TRIO: variants seen among roughly 807,000 people sequenced by gnomAD.
TRIO encodes the protein trio Rho guanine nucleotide exchange factor, also known as triple functional domain protein.
TRIO carries 58 observed loss-of-function variants against 351.9 expected under a neutral mutation model. The ratio of observed to expected loss-of-function variants is 0.16; its 90% CI spans 0.13 to 0.21. TRIO has a LOEUF of 0.21. Ranked by LOEUF, TRIO falls within the 10% of genes least tolerant of loss-of-function variation. TRIO has a pLI of 1.00. For synonymous variants in TRIO, 1,758 were observed against 1,595.7 expected, an observed-to-expected ratio of 1.10 and a Z score of -2.42; for missense variants, 3,201 against 4,027.8, an observed-to-expected ratio of 0.79 and a Z score of 5.56.
At chr5:14,391,238 T>A (rs547179283) in intron 27 of TRIO, among the ~76,000 whole-genome samples, 1 of 152,138 alleles carries the variant, frequency 6.6e-6, no homozygotes, top group Non-Finnish European at 1.5e-5. Flanking sequence ...AGATGTATGT[T>A]TGTGTGTGTG....
At chr5:14,152,661 C>T (rs1318771497) in intron 1 of TRIO, among the ~76,000 whole-genome samples, 2 of 152,190 alleles carry the variant, frequency 1.3e-5, no homozygotes, top group Non-Finnish European at 2.9e-5. Context: ...TGAGCCACTG[C>T]GTCCGTATTT....
intron 1 of TRIO, among the ~76,000 whole-genome samples, chr5:14,192,566 T>G (rs1790522954): frequency 6.6e-6 from 1 of 152,206 alleles, no homozygotes; most frequent in Non-Finnish European, 1.5e-5. Flanking sequence ...GGAATGCTAT[T>G]AATAATATCA....
intron 34 of TRIO, among the ~76,000 whole-genome samples, chr5:14,435,349 G>C (rs116808082): frequency 0.012 from 1,834 of 152,270 alleles, 21 homozygotes; most frequent in African/African-American, 0.041. Context: ...ACTTCCCGAG[G>C]CTCCACCACA....
intron 33 of TRIO, among the ~76,000 whole-genome samples, chr5:14,410,234 C>T (rs1749082190): frequency 6.6e-6 from 1 of 152,162 alleles, no homozygotes; most frequent in Non-Finnish European, 1.5e-5. Context: ...CCCATGCGGC[C>T]TTACAAACAA....
intron 33 of TRIO, among the ~76,000 whole-genome samples, chr5:14,412,865 C>G (rs1749318122): frequency 6.6e-6 from 1 of 152,326 alleles, no homozygotes; most frequent in South Asian, 2.1e-4. Context: ...AGGATGTACC[C>G]ACCAGCAAAC....
At chr5:14,334,591 C>T (rs192419339) in intron 10 of TRIO, among the ~76,000 whole-genome samples, 35 of 152,316 alleles carry the variant, frequency 2.3e-4, no homozygotes, top group African/African-American at 8.2e-4. Flanking sequence ...TAGTGGTGAT[C>T]ATAGGAAAAC....
At chr5:14,378,235 A>G in intron 20 of TRIO, 108 bp downstream of exon 20, 1 of 786,618 alleles carries the variant, frequency 1.3e-6, no homozygotes, top group Non-Finnish European at 2.1e-6. Context: ...CCACTTTCTA[A>G]TGACAAACAG....
chr5:14,171,004 T>G (rs2152125610), intron 1 of TRIO, among the ~76,000 whole-genome samples: 1 of 152,326 alleles, frequency 6.6e-6, no homozygotes, highest in East Asian at 1.9e-4. Flanking sequence ...TACTGAAACT[T>G]GACTCTGTTT....
At chr5:14,264,559 A>ATT (rs966918925) in intron 1 of TRIO, among the ~76,000 whole-genome samples, 4 of 147,080 alleles carry the variant, frequency 2.7e-5, no homozygotes, top group African/African-American at 9.9e-5. Context: ...TTATGTTTTG[A>ATT]TTTTTTTTTT....
chr5:14,362,553 G>T (rs1236702384), intron 13 of TRIO, among the ~76,000 whole-genome samples: 1 of 152,188 alleles, frequency 6.6e-6, no homozygotes, highest in Non-Finnish European at 1.5e-5. Context: ...AAAGGAACCA[G>T]ATCCCACATT....
intron 11 of TRIO, among the ~76,000 whole-genome samples, chr5:14,352,435 T>C (rs1483263224): frequency 1.3e-5 from 2 of 152,246 alleles, no homozygotes; most frequent in Non-Finnish European, 2.9e-5. Context: ...CAATTTTTCC[T>C]CTTAGGAGTT....
intron 23 of TRIO, among the ~76,000 whole-genome samples, chr5:14,388,128 GT>G (rs1214143234): frequency 6.6e-6 from 1 of 152,216 alleles, no homozygotes; most frequent in East Asian, 1.9e-4. Context: ...GAAATTAATA[GT>G]TTTTATCACG....
intron 34 of TRIO, among the ~76,000 whole-genome samples, chr5:14,456,171 C>T (rs1348053920): frequency 6.6e-6 from 1 of 152,246 alleles, no homozygotes; most frequent in East Asian, 1.9e-4. Context: ...GAGTGCAGGG[C>T]CCGCTGAGCA....
intron 8 of TRIO, among the ~76,000 whole-genome samples, chr5:14,316,183 T>C (rs1739365944): frequency 6.6e-6 from 1 of 152,244 alleles, no homozygotes; most frequent in Non-Finnish European, 1.5e-5. Context: ...ATTTATGGCA[T>C]TTAAGGCAAA....
At chr5:14,329,898 T>C (rs540889515) in intron 9 of TRIO, among the ~76,000 whole-genome samples, 1 of 152,310 alleles carries the variant, frequency 6.6e-6, no homozygotes, top group African/African-American at 2.4e-5. Context: ...TCTGTATATG[T>C]GGGCTTCACG....
At position 14,405,928 on chromosome 5, in the gene TRIO, A is replaced by C. The variant is rs538178213; in HGVS notation, c.4797A>C (p.Gly1599=). ...AGGAGCGGACGATCCACCTGAAGGG[A>C]GCCCTGAAGGAGCCCATTCACATCC... ...VIQERTIHLK[G]ALKEPIHIPK... The change falls in exon 32 of 57, where the codon GGA becomes GGC. Residue 1599 remains glycine, a synonymous_variant. Transcript: ENST00000344204. The C allele has an allele frequency of 6.2e-7, 1 of 1,613,656 alleles. No individual in the cohort carries two copies. Among genetic ancestry groups the C allele is most frequent in the South Asian group, 1.1e-5 (1 of 90,970 alleles).
Position 14,481,615 on chromosome 5 carries a change from CGACGTAAT to C in TRIO, c.6464_6465+6del. On this transcript the variant is annotated splice_donor_variant and splice_donor_5th_base_variant and coding_sequence_variant and intron_variant, in exon 45 of 57. Coordinates refer to ENST00000344204, the MANE Select transcript of TRIO (RefSeq NM_007118.4). LOFTEE classifies it high-confidence loss of function. ...TGAACGTGGGGCGGCTGCAAGGATT[CGACGTAAT>C]GCGGCTCTTGTTTTTTAAGAGAGCT... is the stretch of plus-strand genomic sequence containing the variant. The C allele has an allele frequency of 6.2e-7, 1 of 1,614,044 alleles. No homozygotes were observed. The highest frequency in any genetic ancestry group is 8.5e-7 in the Non-Finnish European group (1 of 1,180,002).
In TRIO at chr5:14,405,831, G is replaced by A. The variant is rs766937330; in HGVS notation, c.4717-17G>A. 5.0e-6 allele frequency: 8 copies of A among 1,612,720 alleles called. No homozygotes were observed. In the East Asian group the frequency reaches 8.9e-5, roughly 18 times the overall value. On this transcript the variant is annotated splice_polypyrimidine_tract_variant and intron_variant, in intron 31 of 56. Coordinates refer to ENST00000344204, the MANE Select transcript of TRIO (RefSeq NM_007118.4). ...AGGGCCGTTCCGTATCCTAAGCAAC[G>A]CTAACACCTTGTTAAGGCTTCCAGC...
At chr5:14,487,417 GCTC>G in intron 47 of TRIO, 44 bp from the exon 48 acceptor site, 1 of 1,096,290 alleles carries the variant, frequency 9.1e-7, no homozygotes. Context: ...CCCGCGGCGT[GCTC>G]CTTGGCGCCC....
Sources: gnomAD v4.1 joint callset for allele counts (sites outside exome capture counted in the v4.1 genomes callset) on GRCh38, gnomAD v4.1.1 for gene constraint, MANE v1.5 for transcripts, NCBI Gene and HGNC (gene_info 2026-07-23, HGNC 2026-07-21) for gene names.